The following PPP1R2 variants were observed in gnomAD, a reference collection of about 807,000 sequenced individuals.
PPP1R2 encodes protein phosphatase inhibitor 2.
A neutral mutation model predicts 29.9 loss-of-function variants in PPP1R2; 16 were observed. The observed-to-expected ratio is 0.53, with a 90% CI of 0.36 to 0.81. The LOEUF (loss-of-function observed/expected upper bound fraction) is 0.81. PPP1R2 is among the 30% of genes least tolerant of loss of function. The probability of loss-of-function intolerance (pLI) is 0.00; values close to 1 mark genes in which losing one functional copy is unlikely to be tolerated. For missense variants in PPP1R2, 197 were observed against 252.7 expected (o/e 0.78, Z 1.49); for synonymous variants, 76 against 91.5 (o/e 0.83, Z 0.96).
intron 1 of PPP1R2, among the ~76,000 whole-genome samples, chr3:195,535,152 CA>C (rs1719328936): frequency 6.6e-6 from 1 of 152,154 alleles, no homozygotes; most frequent in South Asian, 2.1e-4. Context: ...TGTTCCACCT[CA>C]GATCATCAGG....
chr3:195,542,875 G>A, intron 1 of PPP1R2, 29 bp downstream of exon 1: 1 of 1,583,706 alleles, frequency 6.3e-7, no homozygotes, highest in Non-Finnish European at 8.6e-7. Context: ...GGAAGGAGGG[G>A]CTCCCAGGCC....
intron 1 of PPP1R2, among the ~76,000 whole-genome samples, chr3:195,536,834 G>A (rs1328190840): frequency 6.7e-6 from 1 of 148,910 alleles, no homozygotes; most frequent in Non-Finnish European, 1.5e-5. Context: ...ACTGATCATC[G>A]TTGCTTAGGA....
At position 195,529,783 on chromosome 3, in the gene PPP1R2, C is replaced by T. The variant is rs369779567; in HGVS notation, c.230+11G>A. 26 of 1,538,172 alleles carry T rather than the reference C, an allele frequency of 1.7e-5. No individual in the cohort carries two copies. Among genetic ancestry groups the T allele is most frequent in the East Asian group, 9.1e-5 (4 of 43,984 alleles). The stretch of plus-strand genomic sequence containing the variant: ...TAAGTCACAAGAGGAATGACGTCTA[C>T]GTAACATTACCTATGGTAAGGAGTG... On this transcript the variant is annotated intron_variant, in intron 2 of 5. Transcript: ENST00000618156.
chr3:195,519,119 G>C lies in PPP1R2; in HGVS notation c.470C>G (p.Ala157Gly). The C allele has an allele frequency of 1.9e-6, 3 of 1,612,584 alleles. No homozygotes were observed. The South Asian group carries it at 3.3e-5, about 18-fold the overall frequency. Residue 157 changes from alanine (A) to glycine (G), a missense_variant, in exon 5 of 6, where the codon GCC (alanine) becomes GGC (glycine). Coordinates refer to ENST00000618156, the MANE Select transcript of PPP1R2 (RefSeq NM_006241.8). The stretch of plus-strand genomic sequence containing the variant: ...TAGGTCTTTTGAAATTAATTGTCTG[G>C]CTAGTTTGATATTGAGTCCTTCATT... Reference protein sequence around the residue: ...HYNEGLNIKLARQLISKDLHD... With the variant: ...HYNEGLNIKLGRQLISKDLHD...
intron 1 of PPP1R2, among the ~76,000 whole-genome samples, chr3:195,530,522 T>G (rs1719137309): frequency 6.6e-6 from 1 of 152,232 alleles, no homozygotes; most frequent in African/African-American, 2.4e-5. Context: ...CTCTAAGTAC[T>G]TTATTATTTT....
intron 4 of PPP1R2, among the ~76,000 whole-genome samples, chr3:195,522,844 T>C (rs1424723784): frequency 2.6e-5 from 4 of 152,218 alleles, no homozygotes; most frequent in Non-Finnish European, 5.9e-5. Context: ...CAGGAGGTAG[T>C]CCCTACGCCA....
chr3:195,529,759 A>C, intron 2 of PPP1R2, 35 bp downstream of exon 2: 2 of 1,407,618 alleles, frequency 1.4e-6, no homozygotes, highest in South Asian at 1.3e-5. Context: ...AAATGGAAGT[A>C]AGTCACAAGA....
chr3:195,530,378 C>A (rs1719132854), intron 1 of PPP1R2, among the ~76,000 whole-genome samples: 2 of 152,170 alleles, frequency 1.3e-5, no homozygotes, highest in Non-Finnish European at 1.5e-5. Context: ...ATAGAGAAAA[C>A]CTCATCAAAC....
rs906945205 is a variant in PPP1R2, at chr3:195,522,100, T to C, written c.403+1592A>G. 2.6e-5 allele frequency among the ~76,000 whole-genome samples: 4 copies of C among 152,374 alleles called. No homozygotes were observed. The East Asian group carries it at 7.7e-4, about 29-fold the overall frequency. ...TTGTTAAAAGTTAGTATTTAGTGAGTGCTCACAATATGCCAAGATCAGTGA... is the reference window on the plus strand; with the variant it reads ...TTGTTAAAAGTTAGTATTTAGTGAGCGCTCACAATATGCCAAGATCAGTGA... On this transcript the variant is annotated intron_variant, in intron 4 of 5. Transcript: ENST00000618156.
Position 195,524,898 on chromosome 3 carries a change from T to C in PPP1R2, c.231-2A>G. On this transcript the variant is annotated splice_acceptor_variant, in intron 2 of 5. Transcript: ENST00000618156. LOFTEE classifies it high-confidence loss of function. The stretch of plus-strand genomic sequence containing the variant: ...GCATCTTCATCATCCCCCATCATAC[T>C]AGTATGACAAGCACATTGTAATTAA... 5 of 1,613,638 alleles carry C rather than the reference T, an allele frequency of 3.1e-6. No homozygotes were observed. Among genetic ancestry groups the C allele is most frequent in the Non-Finnish European group, 4.2e-6 (5 of 1,179,560 alleles).
rs1458618829 is a variant in PPP1R2, at chr3:195,543,103, A to T, written c.-78T>A. 6.8e-6 allele frequency: 10 copies of T among 1,481,248 alleles called. No individual in the cohort carries two copies. The East Asian group carries it at 2.3e-4, about 35-fold the overall frequency. 91.8% of individuals were successfully genotyped at this position (1,481,248 alleles called of 1,614,324 possible). A position where few individuals can be genotyped will look rare whatever the true frequency, so the allele number is the denominator to read the frequency against. ...GAAGAGAAGGGTCGGCACAGCAGAG[A>T]CTCGCAGGCAGCCGCAGATCCCGCT... is the stretch of plus-strand genomic sequence containing the variant. On this transcript the variant is annotated 5_prime_UTR_variant, in exon 1 of 6. Transcript: ENST00000618156.
At chr3:195,520,070 T>C (rs1055529410) in intron 4 of PPP1R2, among the ~76,000 whole-genome samples, 2 of 152,136 alleles carry the variant, frequency 1.3e-5, no homozygotes, top group African/African-American at 4.8e-5. Context: ...GAGTGCAATG[T>C]GCAATCTTGG....
chr3:195,541,724 G>A (rs1719607471), intron 1 of PPP1R2, among the ~76,000 whole-genome samples: 1 of 152,100 alleles, frequency 6.6e-6, no homozygotes, highest in Non-Finnish European at 1.5e-5. Flanking sequence ...TTAGCCCAAA[G>A]AAGTTGGAAA....
Position 195,524,830 on chromosome 3 carries a change from G to T in PPP1R2, c.297C>A (p.Ile99=), listed in dbSNP as rs1457449124. The part of the protein sequence containing the change: ...TEATEAMAPD[I]LARKLAAAEG... ...TCATTAGTACTTACTTCCTGGCTAA[G>T]ATGTCTGGCGCCATGGCTTCAGTGG... is the stretch of plus-strand genomic sequence containing the variant. The change falls in exon 3 of 6, where the codon ATC becomes ATA. Residue 99 remains isoleucine, a synonymous_variant. Coordinates refer to ENST00000618156, the MANE Select transcript of PPP1R2 (RefSeq NM_006241.8). The T allele has an allele frequency of 1.2e-6, 2 of 1,613,956 alleles. No individual in the cohort carries two copies. Among genetic ancestry groups the T allele is most frequent in the Non-Finnish European group, 1.7e-6 (2 of 1,179,988 alleles).
At chr3:195,538,278 G>A (rs1719466250) in intron 1 of PPP1R2, among the ~76,000 whole-genome samples, 1 of 152,234 alleles carries the variant, frequency 6.6e-6, no homozygotes, top group Admixed American at 6.5e-5. Flanking sequence ...GGAACTTCTT[G>A]TTGCTTGTGA....
At chr3:195,521,078 G>C (rs1718739068) in intron 4 of PPP1R2, among the ~76,000 whole-genome samples, 2 of 152,040 alleles carry the variant, frequency 1.3e-5, no homozygotes, top group Admixed American at 6.5e-5. Context: ...CACTTTGGGA[G>C]GCCGAGGAGG....
intron 1 of PPP1R2, among the ~76,000 whole-genome samples, chr3:195,532,785 A>G (rs1719236952): frequency 1.3e-5 from 2 of 152,216 alleles, no homozygotes; most frequent in South Asian, 4.1e-4. Flanking sequence ...TAGCCCAGAA[A>G]TATTTAAAAA....
intron 2 of PPP1R2, chr3:195,528,013 A>G (rs1719037381): frequency 6.7e-6 from 2 of 300,368 alleles, no homozygotes; most frequent in South Asian, 2.8e-5. Context: ...TTTTACTTCA[A>G]TAGGTTTTTG....
intron 1 of PPP1R2, among the ~76,000 whole-genome samples, chr3:195,540,519 T>C (rs1361566229): frequency 1.3e-5 from 2 of 152,240 alleles, no homozygotes; most frequent in Admixed American, 1.3e-4. Context: ...TGAACGTTTG[T>C]CCTCTCTGAA....
Sources: allele counts gnomAD v4.1 joint callset (sites outside exome capture counted in the v4.1 genomes callset), GRCh38; gene constraint gnomAD v4.1.1; transcripts MANE v1.5; gene names NCBI Gene and HGNC (gene_info 2026-07-23, HGNC 2026-07-21).